Variants in USH2A observed in about 807,000 individuals in gnomAD.
USH2A encodes the protein Usher syndrome 2A (autosomal recessive, mild).
A neutral mutation model predicts 538.9 loss-of-function variants in USH2A; 443 were observed. The ratio of observed to expected loss-of-function variants is 0.82; its 90% CI spans 0.76 to 0.89. USH2A has a LOEUF of 0.89. Among genes scored for constraint, USH2A ranks in the 40% least tolerant of loss-of-function variants. USH2A has a pLI of 0.00. For missense variants in USH2A, 6,633 were observed against 6,324.8 expected (o/e 1.05, Z -1.65); for synonymous variants, 2,413 against 2,273.5 (o/e 1.06, Z -1.75).
At chr1:216,217,345 G>A in intron 15 of USH2A, 42 bp downstream of exon 15, 2 of 1,608,130 alleles carry the variant, frequency 1.2e-6, no homozygotes, top group Non-Finnish European at 1.7e-6. Context: ...TCCCCTGTAT[G>A]ATGCTGCTTC....
chr1:216,209,782 T>C (rs1444183675), intron 15 of USH2A, among the ~76,000 whole-genome samples: 1 of 152,202 alleles, frequency 6.6e-6, no homozygotes, highest in African/African-American at 2.4e-5. Flanking sequence ...TGAAGCAGCT[T>C]CAGAACAATT....
intron 32 of USH2A, among the ~76,000 whole-genome samples, chr1:216,041,783 T>A (rs2030287387): frequency 6.6e-6 from 1 of 152,102 alleles, no homozygotes; most frequent in African/African-American, 2.4e-5. Flanking sequence ...AAAAGGTTAA[T>A]AATTATTCAG....
chr1:216,008,448 C>T (rs1045382140), intron 32 of USH2A, among the ~76,000 whole-genome samples: 7 of 152,046 alleles, frequency 4.6e-5, no homozygotes, highest in South Asian at 2.1e-4. Flanking sequence ...TATCTCCCTT[C>T]GCTGACTCTC....
intron 41 of USH2A, among the ~76,000 whole-genome samples, chr1:215,879,554 A>G (rs1339089385): frequency 6.6e-6 from 1 of 152,214 alleles, no homozygotes; most frequent in Non-Finnish European, 1.5e-5. Flanking sequence ...TTCTTGGAGG[A>G]AGGGAAAGAG....
intron 38 of USH2A, among the ~76,000 whole-genome samples, chr1:215,915,902 T>C (rs1001881535): frequency 3.3e-5 from 5 of 151,452 alleles, no homozygotes; most frequent in Non-Finnish European, 5.9e-5. Flanking sequence ...ATGGATGAAA[T>C]TGGAAATCAT....
chr1:215,975,035 G>T (rs1667589188), intron 35 of USH2A, among the ~76,000 whole-genome samples: 2 of 152,076 alleles, frequency 1.3e-5, no homozygotes, highest in Admixed American at 6.6e-5. Context: ...CAGTCATTCT[G>T]ACTGGTGTGA....
At chr1:216,192,688 C>T (rs1238783764) in intron 19 of USH2A, among the ~76,000 whole-genome samples, 5 of 151,648 alleles carry the variant, frequency 3.3e-5, no homozygotes, top group South Asian at 2.1e-4. Flanking sequence ...GGTGACAGAG[C>T]GAGACTCTGT....
At chr1:215,808,590 TCCCATCCATTA>T (rs1025678627) in intron 49 of USH2A, among the ~76,000 whole-genome samples, 1 of 152,078 alleles carries the variant, frequency 6.6e-6, no homozygotes, top group African/African-American at 2.4e-5. Flanking sequence ...CACATTCCCT[TCCCATCCATTA>T]CCCTTGGCAA....
chr1:216,422,397 C>G lies in USH2A; in HGVS notation c.-61G>C, dbSNP rs556365078. On this transcript the variant is annotated 5_prime_UTR_variant, in exon 2 of 72. Transcript: ENST00000307340. ...TTCTAAATAAATAATCAGGCCCACGCCACTTGCCAGCAATACTTTGAAGCA... is the reference window on the plus strand; with the variant it reads ...TTCTAAATAAATAATCAGGCCCACGGCACTTGCCAGCAATACTTTGAAGCA... 2 of 1,608,540 alleles carry G rather than the reference C, an allele frequency of 1.2e-6. No individual in the cohort carries two copies. The highest frequency in any genetic ancestry group is 3.3e-5 in the Admixed American group (2 of 59,750).
intron 61 of USH2A, among the ~76,000 whole-genome samples, chr1:215,726,302 T>C (rs1474437602): frequency 6.6e-6 from 1 of 152,140 alleles, no homozygotes; most frequent in Non-Finnish European, 1.5e-5. Flanking sequence ...ATATAGGAAC[T>C]AGAAGACATA....
At chr1:216,231,256 T>TAC (rs1359966418) in intron 14 of USH2A, among the ~76,000 whole-genome samples, 1 of 101,128 alleles carries the variant, frequency 9.9e-6, no homozygotes, top group African/African-American at 3.2e-5. Context: ...ATATTATATA[T>TAC]ATAATATATA....
intron 21 of USH2A, among the ~76,000 whole-genome samples, chr1:216,171,430 A>T (rs1224327998): frequency 6.6e-6 from 1 of 152,072 alleles, no homozygotes; most frequent in Admixed American, 6.6e-5. Context: ...ACATTTTAAT[A>T]TGGAATATTG....
intron 3 of USH2A, among the ~76,000 whole-genome samples, chr1:216,377,611 T>A (rs2038846162): frequency 6.6e-6 from 1 of 151,360 alleles, no homozygotes. Flanking sequence ...CATTTATATT[T>A]ATTCACTCCA....
intron 4 of USH2A, among the ~76,000 whole-genome samples, chr1:216,363,077 A>G (rs2038527687): frequency 6.6e-6 from 1 of 152,052 alleles, no homozygotes; most frequent in Non-Finnish European, 1.5e-5. Flanking sequence ...TAAACCACAT[A>G]GTCCAGTTAA....
intron 32 of USH2A, among the ~76,000 whole-genome samples, chr1:216,016,595 C>T (rs1267433166): frequency 6.6e-6 from 1 of 152,066 alleles, no homozygotes; most frequent in Non-Finnish European, 1.5e-5. Flanking sequence ...ACTGAGTTGC[C>T]CTTTTAATAA....
chr1:215,717,837 G>A (rs1347093158), intron 61 of USH2A, among the ~76,000 whole-genome samples: 4 of 152,126 alleles, frequency 2.6e-5, no homozygotes, highest in Admixed American at 2.6e-4. Context: ...TCCAGTGTAG[G>A]TAAACGGAAA....
chr1:216,178,504 A>G (rs942665517), intron 20 of USH2A, among the ~76,000 whole-genome samples: 1 of 152,122 alleles, frequency 6.6e-6, no homozygotes, highest in Non-Finnish European at 1.5e-5. Flanking sequence ...CTTGGCTATA[A>G]TCTCAACTAG....
Position 215,680,138 on chromosome 1 carries a change from G to A in USH2A, c.12294+11C>T, listed in dbSNP as rs1658177100. On this transcript the variant is annotated intron_variant, in intron 62 of 71. Transcript: ENST00000307340. Reference sequence around the variant, plus strand: ...CACCAAACATAATTTCTTATGCAGGGTAGACATTACCTTAATCACACCATT... The same window carrying A: ...CACCAAACATAATTTCTTATGCAGGATAGACATTACCTTAATCACACCATT... 6.2e-7 allele frequency: 1 copy of A among 1,611,648 alleles called. No individual in the cohort carries two copies. Among genetic ancestry groups the A allele is most frequent in the Non-Finnish European group, 8.5e-7 (1 of 1,177,756 alleles).
intron 37 of USH2A, among the ~76,000 whole-genome samples, chr1:215,958,641 A>G (rs17025747): frequency 0.042 from 6,371 of 152,060 alleles, 154 homozygotes; most frequent in Middle Eastern, 0.095. Context: ...GAAATATCCT[A>G]ATCGGTCTTT....
Sources: gnomAD v4.1 joint callset for allele counts (sites outside exome capture counted in the v4.1 genomes callset) on GRCh38, gnomAD v4.1.1 for gene constraint, MANE v1.5 for transcripts, NCBI Gene and HGNC (gene_info 2026-07-23, HGNC 2026-07-21) for gene names.